Variants in CAPN7 observed in about 807,000 individuals in gnomAD.
CAPN7 encodes the protein calpain 7.
CAPN7 carries 72 observed loss-of-function variants against 115.2 expected under a neutral mutation model. That is an observed-to-expected ratio of 0.63 (90% CI 0.52 to 0.76). The LOEUF (loss-of-function observed/expected upper bound fraction) is 0.76. Ranked by LOEUF, CAPN7 falls within the 30% of genes least tolerant of loss-of-function variation. The probability of loss-of-function intolerance (pLI) is 0.00; values close to 1 mark genes in which losing one functional copy is unlikely to be tolerated. For synonymous variants in CAPN7, 344 were observed against 322.3 expected (o/e 1.07, Z -0.72); for missense variants, 905 against 971.5 (o/e 0.93, Z 0.91).
In CAPN7 at chr3:15,220,816, T is replaced by C. The variant is rs373845617; in HGVS notation, c.473T>C (p.Val158Ala). 3.8e-5 allele frequency: 61 copies of C among 1,614,080 alleles called. No individual in the cohort carries two copies. Among genetic ancestry groups the C allele is most frequent in the Middle Eastern group, 3.3e-4 (2 of 6,084 alleles). ...EALSEPLTKPVGKISSTSVKP... is the reference protein window; with the variant it reads ...EALSEPLTKPAGKISSTSVKP... ...CTGAGTGAGCCTTTGACCAAGCCAGTTGGCAAAATCAGTTCAACAAGTGTT... is the reference window on the plus strand; with the variant it reads ...CTGAGTGAGCCTTTGACCAAGCCAGCTGGCAAAATCAGTTCAACAAGTGTT... Residue 158 changes from valine (V) to alanine (A), a missense_variant, in exon 5 of 21, where the codon GTT (valine) becomes GCT (alanine). This residue lies in a region of CAPN7 where 271 missense variants were observed against 239.6 expected (regional missense o/e 1.13). Transcript: ENST00000253693.
chr3:15,236,042 A>G (rs961683661), intron 12 of CAPN7, among the ~76,000 whole-genome samples: 7 of 152,168 alleles, frequency 4.6e-5, no homozygotes, highest in Non-Finnish European at 8.8e-5. Context: ...ATGGTGCCAT[A>G]TATCTATAAT....
chr3:15,217,247 A>T (rs527327768), intron 2 of CAPN7, among the ~76,000 whole-genome samples, 178 bp from the exon 3 acceptor site: 80 of 141,548 alleles, frequency 5.7e-4, no homozygotes, highest in African/African-American at 1.9e-3. Flanking sequence ...GAGCCTGTCT[A>T]AAAAAAAAAA....
intron 1 of CAPN7, among the ~76,000 whole-genome samples, chr3:15,211,466 G>T (rs1384353747): frequency 7.9e-5 from 12 of 152,150 alleles, no homozygotes. Flanking sequence ...TTGAGAGAGA[G>T]CCTGGATAGC....
intron 2 of CAPN7, among the ~76,000 whole-genome samples, 192 bp downstream of exon 2, chr3:15,212,404 C>A (rs192483325): frequency 6.6e-6 from 1 of 152,260 alleles, no homozygotes; most frequent in African/African-American, 2.4e-5. Context: ...TGAAGAGGAA[C>A]CTTATAGACA....
Position 15,232,279 on chromosome 3 carries a change from CAT to C in CAPN7, c.1033-239_1033-238del, listed in dbSNP as rs1295913040. 8.2e-5 allele frequency: 31 copies of C among 376,232 alleles called. 1 individual carries two copies. The highest frequency in any genetic ancestry group is 5.8e-4 in the African/African-American group (27 of 46,952). The allele number at this position is 376,232 out of a possible 1,614,324, so 23.3% of individuals were successfully genotyped here. ...TTTAATTTCAGTGATAGTTACATGA[CAT>C]TTAATCAATTGATTGAAGGTTATCA... On this transcript the variant is annotated intron_variant, in intron 9 of 20. Transcript: ENST00000253693.
chr3:15,226,286 C>T (rs2124937702), intron 6 of CAPN7, among the ~76,000 whole-genome samples: 1 of 152,142 alleles, frequency 6.6e-6, no homozygotes, highest in East Asian at 1.9e-4. Flanking sequence ...GTTGTCTAGG[C>T]TGGTCTCAAA....
At chr3:15,227,265 AGTTCTGCTGTTTCTTAG>A (rs1559396905) in intron 6 of CAPN7, among the ~76,000 whole-genome samples, 1 of 152,200 alleles carries the variant, frequency 6.6e-6, no homozygotes, top group Non-Finnish European at 1.5e-5. Flanking sequence ...TTCAGATGCC[AGTTCTGCTGTTTCTTAG>A]GTGTCTGACC....
At chr3:15,245,197 C>G (rs1302925364) in intron 16 of CAPN7, among the ~76,000 whole-genome samples, 2 of 139,924 alleles carry the variant, frequency 1.4e-5, no homozygotes, top group African/African-American at 5.1e-5. Context: ...AATTTCATCT[C>G]AAAAAAAAAA....
Position 15,251,591 on chromosome 3 carries a change from A to G in CAPN7, c.*331A>G, listed in dbSNP as rs568707591. 15 of 175,904 alleles carry G rather than the reference A, an allele frequency of 8.5e-5. No individual in the cohort carries two copies. The highest frequency in any genetic ancestry group is 3.5e-4 in the African/African-American group (15 of 42,554). The allele number at this position is 175,904 out of a possible 1,614,324, so 10.9% of individuals were successfully genotyped here. On this transcript the variant is annotated 3_prime_UTR_variant, in exon 21 of 21. Coordinates refer to ENST00000253693, the MANE Select transcript of CAPN7 (RefSeq NM_014296.3). ...CTTTGCTAAGAGGATAAAGGAACTG[A>G]GACCAGATGAGAAAAAGAAAGGATA... is the stretch of plus-strand genomic sequence containing the variant.
chr3:15,243,224 T>C (rs1695456944), intron 16 of CAPN7, among the ~76,000 whole-genome samples: 1 of 152,122 alleles, frequency 6.6e-6, no homozygotes, highest in African/African-American at 2.4e-5. Flanking sequence ...AACAGGCCAA[T>C]TGCCTGGGTA....
intron 1 of CAPN7, 22 bp downstream of exon 1, chr3:15,206,619 C>A (rs1354302051): frequency 1.3e-6 from 2 of 1,521,636 alleles, no homozygotes; most frequent in African/African-American, 1.4e-5. Context: ...CCCGGCGCTT[C>A]GGTCGGAGTT....
At chr3:15,223,086 A>G (rs1559393512) in intron 5 of CAPN7, among the ~76,000 whole-genome samples, 1 of 152,232 alleles carries the variant, frequency 6.6e-6, no homozygotes, top group African/African-American at 2.4e-5. Flanking sequence ...CCTCATAACC[A>G]GAAAACGTGA....
Position 15,241,412 on chromosome 3 carries a change from G to T in CAPN7, c.1653-41G>T, listed in dbSNP as rs778901846. 2.5e-5 allele frequency: 40 copies of T among 1,594,254 alleles called. No individual in the cohort carries two copies. In the East Asian group the frequency reaches 8.7e-4, roughly 35 times the overall value. ...ATAGTGTTATATTTTAGCTCTATGAGAAATTTAATTACAACCTTCTTTGTT... is the reference window on the plus strand; with the variant it reads ...ATAGTGTTATATTTTAGCTCTATGATAAATTTAATTACAACCTTCTTTGTT... On this transcript the variant is annotated intron_variant, in intron 14 of 20. Coordinates refer to ENST00000253693, the MANE Select transcript of CAPN7 (RefSeq NM_014296.3).
intron 8 of CAPN7, among the ~76,000 whole-genome samples, chr3:15,229,332 G>T (rs965552482): frequency 3.9e-5 from 6 of 152,140 alleles, no homozygotes; most frequent in African/African-American, 1.4e-4. Context: ...AATACTTTAT[G>T]ATTGGACTGT....
At chr3:15,247,500 C>G (rs1695736235) in intron 19 of CAPN7, 43 bp downstream of exon 19, 2 of 1,511,866 alleles carry the variant, frequency 1.3e-6, no homozygotes, top group South Asian at 1.3e-5. Context: ...TGTTCTATTA[C>G]AAATGAACAT....
intron 6 of CAPN7, among the ~76,000 whole-genome samples, chr3:15,224,608 A>G (rs1245557619): frequency 1.7e-5 from 2 of 118,562 alleles, no homozygotes; most frequent in Non-Finnish European, 3.0e-5. Flanking sequence ...AGATGCATAG[A>G]AAAAAAAAAT....
At chr3:15,229,695 C>T (rs1480456516) in intron 8 of CAPN7, among the ~76,000 whole-genome samples, 1 of 150,308 alleles carries the variant, frequency 6.7e-6, no homozygotes, top group African/African-American at 2.4e-5. Context: ...CCTGCCTCAG[C>T]CTCTGAAGTA....
At chr3:15,230,843 T>A (rs1289720477) in intron 9 of CAPN7, among the ~76,000 whole-genome samples, 1 of 152,236 alleles carries the variant, frequency 6.6e-6, no homozygotes, top group Non-Finnish European at 1.5e-5. Context: ...TTGTTTTGAT[T>A]AAAAGGAAAT....
chr3:15,231,208 T>C (rs1694666157), intron 9 of CAPN7, among the ~76,000 whole-genome samples: 1 of 152,180 alleles, frequency 6.6e-6, no homozygotes, highest in Non-Finnish European at 1.5e-5. Flanking sequence ...CAAATTTTAG[T>C]ATGCACAGAA....
Sources: allele counts gnomAD v4.1 joint callset (sites outside exome capture counted in the v4.1 genomes callset), GRCh38; gene constraint gnomAD v4.1.1; regional missense constraint gnomAD v4.1.1; transcripts MANE v1.5; gene names NCBI Gene and HGNC (gene_info 2026-07-23, HGNC 2026-07-21).